Variants in CCDC33 observed in about 807,000 individuals in gnomAD.
CCDC33 encodes coiled-coil domain-containing protein 33.
In CCDC33, 94 loss-of-function variants were observed where a neutral mutation model predicts 91.9. The ratio of observed to expected loss-of-function variants is 1.02; its 90% CI spans 0.87 to 1.21. The LOEUF is 1.21. CCDC33 is among the 50% of genes most tolerant of loss of function. The pLI, the probability that CCDC33 is intolerant of heterozygous loss-of-function variation, is 0.00. For synonymous variants in CCDC33, 396 were observed against 374.5 expected, an observed-to-expected ratio of 1.06 and a Z score of -0.66; for missense variants, 940 against 935.5, an observed-to-expected ratio of 1.00 and a Z score of -0.06.
chr15:74,203,241 A>G lies in CCDC33; in HGVS notation n.89+143A>G, dbSNP rs890010562. On this transcript the variant is annotated intron_variant and non_coding_transcript_variant, in intron 1 of 3. Coordinates refer to the CCDC33 transcript ENST00000558645. ...GTTCCTACAAGTTGATTTCACAAGG[A>G]GATAACTCACCCCCACAAGGCGGAA... 4.1e-6 allele frequency: 4 copies of G among 982,560 alleles called. No individual in the cohort carries two copies. In the African/African-American group the frequency reaches 5.2e-5, roughly 13 times the overall value. 60.9% of individuals were successfully genotyped at this position (982,560 alleles called of 1,614,324 possible).
At chr15:74,282,795 C>T (rs1039750532) in intron 10 of CCDC33, among the ~76,000 whole-genome samples, 2 of 152,214 alleles carry the variant, frequency 1.3e-5, no homozygotes, top group African/African-American at 4.8e-5. Context: ...GCTAGCTACA[C>T]CTGGTCTCAG....
rs143594207 is a variant in CCDC33, at chr15:74,298,538, T to C, written c.1290+2590T>C. On this transcript the variant is annotated intron_variant, in intron 11 of 18. Coordinates refer to ENST00000398814, the MANE Select transcript of CCDC33 (RefSeq NM_025055.5). Reference sequence around the variant, plus strand: ...TAGGAGGAAGTGTTTTTTGGTTTTTTGTTTGTTTGTTTGTTTTCGAGATGG... The same window carrying C: ...TAGGAGGAAGTGTTTTTTGGTTTTTCGTTTGTTTGTTTGTTTTCGAGATGG... 3.2e-4 allele frequency among the ~76,000 whole-genome samples: 48 copies of C among 152,176 alleles called. No individual in the cohort carries two copies. The East Asian group carries it at 9.3e-3, about 29-fold the overall frequency.
In CCDC33 at chr15:74,268,426, C is replaced by A. The variant is rs201064106; in HGVS notation, c.514C>A (p.Arg172Ser). The A allele has an allele frequency of 1.2e-6, 2 of 1,604,896 alleles. No individual in the cohort carries two copies. The highest frequency in any genetic ancestry group is 8.5e-7 in the Non-Finnish European group (1 of 1,175,652). Residue 172 changes from arginine (R) to serine (S), a missense_variant, in exon 5 of 19, where the codon CGC (arginine) becomes AGC (serine). Transcript: ENST00000398814. Reference protein sequence around the residue: ...TVVRKSSFIPRYIGCNHMALE... With the variant: ...TVVRKSSFIPSYIGCNHMALE... The stretch of plus-strand genomic sequence containing the variant: ...CGTTCGGAAGAGCAGCTTCATACCC[C>A]GCTACATCGGCTGCAACCACATGGC...
chr15:74,307,757 A>G (rs1005035312), intron 11 of CCDC33, among the ~76,000 whole-genome samples: 2 of 152,038 alleles, frequency 1.3e-5, no homozygotes, highest in African/African-American at 4.8e-5. Context: ...ATATAAATCA[A>G]GCAGAAGCTA....
chr15:74,297,453 C>A (rs2059710592), intron 11 of CCDC33, among the ~76,000 whole-genome samples: 1 of 152,112 alleles, frequency 6.6e-6, no homozygotes, highest in Non-Finnish European at 1.5e-5. Flanking sequence ...ACTACTTGGG[C>A]AGGCCGAGGT....
intron 18 of CCDC33, chr15:74,335,444 AC>A (rs1206019898): frequency 1.2e-5 from 6 of 518,794 alleles, no homozygotes; most frequent in African/African-American, 3.8e-5. Context: ...TTGTGGCCCT[AC>A]CCCCCTGAAT....
intron 10 of CCDC33, among the ~76,000 whole-genome samples, chr15:74,290,501 C>G (rs920907214): frequency 6.6e-6 from 1 of 152,196 alleles, no homozygotes; most frequent in Non-Finnish European, 1.5e-5. Flanking sequence ...CACTATCACC[C>G]ATCTTACTAA....
chr15:74,318,088 G>C (rs571902870), intron 11 of CCDC33, among the ~76,000 whole-genome samples: 2 of 151,246 alleles, frequency 1.3e-5, no homozygotes, highest in African/African-American at 4.9e-5. Context: ...TGCTGCTGCG[G>C]GGTGGGGAGG....
At chr15:74,213,843 G>T (rs2074390547), upstream of CCDC33, among the ~76,000 whole-genome samples, 1 of 152,206 alleles carries the variant, frequency 6.6e-6, no homozygotes, top group Non-Finnish European at 1.5e-5. Flanking sequence ...TGAAGGCCCA[G>T]GGTGGAGCAG....
At position 74,218,614 on chromosome 15, in the gene CCDC33, C is replaced by A; in HGVS notation, c.428C>A (p.Pro143Gln). ...GGTGAGGCCATCTTCCCCATCTACC[C>A]GAGGCCAGACCAACCCCGCATGAAC... The change falls in exon 2 of 3, where the codon CCG becomes CAG. Residue 143 changes from proline (P) to glutamine (Q), a missense_variant. Coordinates refer to the CCDC33 transcript ENST00000635913. The surrounding 1 kb of genome is among the most constrained non-coding windows in gnomAD (Gnocchi z 4.8). 1 of 1,289,864 alleles carries A rather than the reference C, an allele frequency of 7.8e-7. No homozygotes were observed. Among genetic ancestry groups the A allele is most frequent in the Non-Finnish European group, 1.0e-6 (1 of 988,874 alleles). The allele number at this position is 1,289,864 out of a possible 1,614,324, so 79.9% of individuals were successfully genotyped here.
chr15:74,254,155 CT>C (rs1566971937), intron 2 of CCDC33, among the ~76,000 whole-genome samples: 1 of 152,130 alleles, frequency 6.6e-6, no homozygotes, highest in African/African-American at 2.4e-5. Context: ...GCCTCAACCT[CT>C]TGAGTAGCTG....
chr15:74,257,588 G>A, intron 2 of CCDC33, among the ~76,000 whole-genome samples: 1 of 152,184 alleles, frequency 6.6e-6, no homozygotes, highest in East Asian at 1.9e-4. Flanking sequence ...GAGGGACTCG[G>A]GGGAGAACCA....
At position 74,206,552 on chromosome 15, in the gene CCDC33, A is replaced by C. The variant is rs144142319; in HGVS notation, n.90-2836A>C. On this transcript the variant is annotated intron_variant and non_coding_transcript_variant, in intron 1 of 3. Coordinates refer to the CCDC33 transcript ENST00000558645. Reference sequence around the variant, plus strand: ...GGGCCTGCCCTCTGGAGCTGGCTTTAAAGGGGCACTGATACCCAGGAAGGC... The same window carrying C: ...GGGCCTGCCCTCTGGAGCTGGCTTTCAAGGGGCACTGATACCCAGGAAGGC... Among the ~76,000 whole-genome samples, 612 of 152,310 alleles carry C rather than the reference A, an allele frequency of 4.0e-3. 4 individuals carry two copies. Among genetic ancestry groups the C allele is most frequent in the Middle Eastern group, 0.01 (3 of 294 alleles).
At chr15:74,207,663 G>C (rs557098379) in intron 1 of CCDC33, 1 of 1,525,152 alleles carries the variant, frequency 6.6e-7, no homozygotes. Flanking sequence ...CAAGAGAGGC[G>C]TTCCAGGAGT....
intron 11 of CCDC33, among the ~76,000 whole-genome samples, chr15:74,304,815 C>T (rs936586333): frequency 2.0e-5 from 3 of 152,206 alleles, no homozygotes; most frequent in Non-Finnish European, 4.4e-5. Context: ...GGCCCACTCA[C>T]ACTCCTCCAG....
At position 74,218,577 on chromosome 15, in the gene CCDC33, G is replaced by T; in HGVS notation, c.391G>T (p.Ala131Ser). 2.3e-6 allele frequency: 3 copies of T among 1,289,820 alleles called. No individual in the cohort carries two copies. The highest frequency in any genetic ancestry group is 3.0e-6 in the Non-Finnish European group (3 of 988,856). The allele number at this position is 1,289,820 out of a possible 1,614,324, so 79.9% of individuals were successfully genotyped here. A position where few individuals can be genotyped will look rare whatever the true frequency, so the allele number is the denominator to read the frequency against. Residue 131 changes from alanine (A) to serine (S), a missense_variant, in exon 2 of 3, where the codon GCC (alanine) becomes TCC (serine). Ala to Ser is a moderately conservative substitution (Grantham distance 99, BLOSUM62 1). Transcript: ENST00000635913. The surrounding 1 kb of genome is among the most constrained non-coding windows in gnomAD (Gnocchi z 4.8). Reference sequence around the variant, plus strand: ...GCTGGACGAACCCTTGGGACGGGCAGCCCAGCGGGTGGGTGAGGCCATCTT... The same window carrying T: ...GCTGGACGAACCCTTGGGACGGGCATCCCAGCGGGTGGGTGAGGCCATCTT...
chr15:74,209,019 G>T, intron 1 of CCDC33: 1 of 1,086,694 alleles, frequency 9.2e-7, no homozygotes. Flanking sequence ...TGCTTTAAAA[G>T]GTGTTTGATC....
At position 74,262,063 on chromosome 15, in the gene CCDC33, C is replaced by T. The variant is rs1386873583; in HGVS notation, c.186-377C>T. Among the ~76,000 whole-genome samples the T allele has an allele frequency of 1.3e-3, 3 of 2,360 alleles. No individual in the cohort carries two copies. The Non-Finnish European group carries it at 0.017, about 14-fold the overall frequency. The allele number at this position is 2,360 out of a possible 152,430, so 1.5% of individuals were successfully genotyped here. A position where few individuals can be genotyped will look rare whatever the true frequency, so the allele number is the denominator to read the frequency against. On this transcript the variant is annotated intron_variant, in intron 2 of 18. Transcript: ENST00000398814. ...ACTCTGCCCAGAGGATTCCTCCCAC[C>T]GAAACAGAACCTAGAGAAGAGGGAG...
rs1217500208 is a variant in CCDC33 at position 74,288,704 on chromosome 15, C to G, written c.1095+6855C>G. Reference sequence around the variant, plus strand: ...TCTAAGCTTGAGATCATTCTGGACCCTGATTTTATCATGCAACACACTCAC... The same window carrying G: ...TCTAAGCTTGAGATCATTCTGGACCGTGATTTTATCATGCAACACACTCAC... On this transcript the variant is annotated intron_variant, in intron 10 of 18. Transcript: ENST00000398814. Among the ~76,000 whole-genome samples the G allele has an allele frequency of 2.6e-5, 4 of 152,282 alleles. No individual in the cohort carries two copies. The East Asian group carries it at 7.7e-4, about 29-fold the overall frequency.
Sources: allele counts gnomAD v4.1 joint callset (sites outside exome capture counted in the v4.1 genomes callset), GRCh38; gene constraint gnomAD v4.1.1; non-coding constraint Gnocchi (gnomAD v3.1); transcripts MANE v1.5; gene names NCBI Gene and HGNC (gene_info 2026-07-23, HGNC 2026-07-21).